The following EPC2 variants were observed in gnomAD, a reference collection of about 807,000 sequenced individuals.
EPC2 encodes enhancer of polycomb homolog 2.
EPC2 carries 14 observed loss-of-function variants against 92.1 expected under a neutral mutation model. The observed-to-expected ratio is 0.15, with a 90% confidence interval of 0.10 to 0.24. The LOEUF is 0.24. EPC2 is among the 10% of genes least tolerant of loss of function. The pLI is 1.00. For synonymous variants in EPC2, 340 were observed against 334.7 expected (o/e 1.02, Z -0.17); for missense variants, 755 against 971.5 (o/e 0.78, Z 2.96).
At chr2:148,703,667 T>TA (rs778479699) in intron 2 of EPC2, among the ~76,000 whole-genome samples, 6 of 152,128 alleles carry the variant, frequency 3.9e-5, no homozygotes, top group Non-Finnish European at 8.8e-5. Flanking sequence ...TAGCTGGGAC[T>TA]ACAGCTGTGC....
chr2:148,735,812 CAT>C (rs1255670935), intron 2 of EPC2, among the ~76,000 whole-genome samples: 3 of 150,054 alleles, frequency 2.0e-5, no homozygotes, highest in African/African-American at 7.3e-5. Context: ...AATCAGTGTG[CAT>C]ATTTCTTGAC....
chr2:148,768,880 T>G (rs1434029331), intron 7 of EPC2, among the ~76,000 whole-genome samples: 1 of 152,204 alleles, frequency 6.6e-6, no homozygotes, highest in Non-Finnish European at 1.5e-5. Context: ...AAAACTGTAT[T>G]AATTCTAAGA....
At chr2:148,691,392 A>G (rs947399764) in intron 2 of EPC2, 1 of 934,178 alleles carries the variant, frequency 1.1e-6, no homozygotes, top group Non-Finnish European at 1.6e-6. Context: ...CTGACAACCT[A>G]CCTGTATGAG....
chr2:148,725,546 G>A (rs1339852665), intron 2 of EPC2, among the ~76,000 whole-genome samples: 3 of 152,028 alleles, frequency 2.0e-5, no homozygotes, highest in African/African-American at 4.8e-5. Flanking sequence ...AGTTGTCATT[G>A]ATACAATACA....
intron 7 of EPC2, among the ~76,000 whole-genome samples, chr2:148,767,300 G>A (rs1459845807): frequency 6.6e-6 from 1 of 151,894 alleles, no homozygotes; most frequent in Non-Finnish European, 1.5e-5. Flanking sequence ...AGCTCACTCA[G>A]CATAACTACT....
At chr2:148,714,433 G>T (rs4972390) in intron 2 of EPC2, among the ~76,000 whole-genome samples, 27,758 of 152,098 alleles carry the variant, frequency 0.18, 3,262 homozygotes, top group East Asian at 0.49. Context: ...TACCAAGTAA[G>T]GGGATTGTTG....
chr2:148,762,646 T>G (rs748393186), intron 5 of EPC2, 24 bp from the exon 6 acceptor site: 3 of 1,530,356 alleles, frequency 2.0e-6, no homozygotes, highest in East Asian at 4.6e-5. Context: ...CAATGTTTTC[T>G]TATATTTTTG....
chr2:148,705,709 G>T (rs1208571286), intron 2 of EPC2, among the ~76,000 whole-genome samples: 1 of 152,180 alleles, frequency 6.6e-6, no homozygotes, highest in Admixed American at 6.5e-5. Flanking sequence ...CAAGCAAACG[G>T]TCTGGAGTGG....
chr2:148,759,993 A>T (rs1683271550), intron 4 of EPC2, among the ~76,000 whole-genome samples: 1 of 152,222 alleles, frequency 6.6e-6, no homozygotes, highest in South Asian at 2.1e-4. Context: ...CTGTAATCCC[A>T]GGACTTTGGG....
chr2:148,672,138 A>C (rs746083004), intron 1 of EPC2, among the ~76,000 whole-genome samples: 13 of 152,170 alleles, frequency 8.5e-5, no homozygotes, highest in Admixed American at 1.3e-4. Context: ...AATTATAAGA[A>C]GTACTTAAAA....
At chr2:148,762,060 A>G (rs1166979763) in intron 5 of EPC2, 130 bp downstream of exon 5, 4 of 752,102 alleles carry the variant, frequency 5.3e-6, no homozygotes, top group Non-Finnish European at 8.0e-6. Context: ...AAGAATTTAT[A>G]TTTTTTAAAG....
At position 148,781,744 on chromosome 2, in the gene EPC2, T is replaced by C. The variant is rs1683752767; in HGVS notation, c.1821T>C (p.Ser607=). ...QLAQLQQKQQ[S]QHSSQQTHPK... ...CCCAGCTTCAGCAGAAACAGCAATCTCAGCATTCCTCGCAACAGACACATC... is the reference window on the plus strand; with the variant it reads ...CCCAGCTTCAGCAGAAACAGCAATCCCAGCATTCCTCGCAACAGACACATC... The change falls in exon 11 of 14, where the codon TCT becomes TCC. Residue 607 remains serine (S), a synonymous_variant. Transcript: ENST00000258484. The C allele has an allele frequency of 1.2e-6, 2 of 1,613,954 alleles. No individual in the cohort carries two copies. Among genetic ancestry groups the C allele is most frequent in the Non-Finnish European group, 1.7e-6 (2 of 1,179,874 alleles).
chr2:148,769,342 G>A (rs1683473757), intron 8 of EPC2, 102 bp downstream of exon 8: 3 of 793,374 alleles, frequency 3.8e-6, no homozygotes, highest in Admixed American at 2.1e-5. Flanking sequence ...AAATGCATCA[G>A]TACTTTTTAT....
intron 1 of EPC2, among the ~76,000 whole-genome samples, chr2:148,648,024 C>T (rs183980209): frequency 6.6e-6 from 1 of 152,212 alleles, no homozygotes; most frequent in African/African-American, 2.4e-5. Context: ...TAGCCTACTT[C>T]AATTGCCCAA....
chr2:148,762,252 C>A (rs1476870807), intron 5 of EPC2: 1 of 187,620 alleles, frequency 5.3e-6, no homozygotes, highest in Non-Finnish European at 1.1e-5. Context: ...TCTATTAAAT[C>A]TGAGGGAAAT....
At chr2:148,767,128 A>G (rs79352845) in intron 7 of EPC2, among the ~76,000 whole-genome samples, 6,208 of 151,364 alleles carry the variant, frequency 0.041, 168 homozygotes, top group Non-Finnish European at 0.058. Context: ...AGCCAGGGAG[A>G]TGAAGGTTGC....
chr2:148,737,721 A>G (rs1004044370), intron 2 of EPC2, among the ~76,000 whole-genome samples: 1 of 152,136 alleles, frequency 6.6e-6, no homozygotes, highest in African/African-American at 2.4e-5. Flanking sequence ...GGGATGTCCA[A>G]TCATTTGGCT....
intron 5 of EPC2, 41 bp from the exon 6 acceptor site, chr2:148,762,629 A>G (rs373577205): frequency 2.1e-5 from 30 of 1,432,902 alleles, no homozygotes; most frequent in African/African-American, 4.3e-5. Flanking sequence ...TTTATTGTCA[A>G]ACTATGCAAT....
chr2:148,673,694 A>G (rs1350669960), intron 1 of EPC2, among the ~76,000 whole-genome samples: 1 of 151,916 alleles, frequency 6.6e-6, no homozygotes, highest in Non-Finnish European at 1.5e-5. Flanking sequence ...AGTGATTCTC[A>G]TGCCTCAGCC....
Sources: allele counts gnomAD v4.1 joint callset (sites outside exome capture counted in the v4.1 genomes callset), GRCh38; gene constraint gnomAD v4.1.1; transcripts MANE v1.5; gene names NCBI Gene and HGNC (gene_info 2026-07-23, HGNC 2026-07-21).